Variants in STPG2 observed in about 807,000 individuals in gnomAD.
The protein encoded by STPG2 is sperm tail PG-rich repeat containing 2.
Under a neutral mutation model 54.2 loss-of-function variants are expected in STPG2, and 56 were observed. That is an observed-to-expected ratio of 1.03 (90% CI 0.83 to 1.29). The LOEUF is 1.29. Ranked by LOEUF, STPG2 falls within the 50% of genes most tolerant of loss-of-function variation. The pLI is 0.00. For synonymous variants in STPG2, 200 were observed against 181.8 expected, an observed-to-expected ratio of 1.10 and a Z score of -0.81; for missense variants, 596 against 544.9, an observed-to-expected ratio of 1.09 and a Z score of -0.93.
At chr4:97,908,342 A>T (rs1306790272) in intron 8 of STPG2, among the ~76,000 whole-genome samples, 5 of 151,674 alleles carry the variant, frequency 3.3e-5, no homozygotes, top group Non-Finnish European at 7.4e-5. Flanking sequence ...TTAGAATGGC[A>T]ATCATTAAAA....
intron 5 of STPG2, among the ~76,000 whole-genome samples, chr4:98,010,805 C>T (rs544005045): frequency 1.8e-4 from 27 of 151,896 alleles, no homozygotes; most frequent in Non-Finnish European, 3.2e-4. Flanking sequence ...CATCTGTTTA[C>T]CTTTGTAGTT....
In STPG2 at chr4:98,143,073, G is replaced by C. The variant is rs764087618; in HGVS notation, c.78C>G (p.Tyr26Ter). 2 of 1,613,606 alleles carry C rather than the reference G, an allele frequency of 1.2e-6. No homozygotes were observed. Among genetic ancestry groups the C allele is most frequent in the South Asian group, 1.1e-5 (1 of 90,930 alleles). The change falls in exon 1 of 11, where the codon TAC becomes TAG. Residue 26 changes from tyrosine to a stop codon, truncating the protein, a stop_gained. Coordinates refer to ENST00000295268, the MANE Select transcript of STPG2 (RefSeq NM_174952.3). LOFTEE classifies it high-confidence loss of function. ...CCTGCTGCTTCAGGAAAGGTACCTG[G>C]TAGGATCCAGGACCCACATGGGCCT... ...STEAHVGPGS[Y>*]QVPFLKQQAT...
At chr4:97,457,205 G>A (rs780949120) in intron 4 of STPG2, among the ~76,000 whole-genome samples, 2 of 152,108 alleles carry the variant, frequency 1.3e-5, no homozygotes, top group Non-Finnish European at 2.9e-5. Flanking sequence ...GTATTTTAAC[G>A]AAACTAAACA....
At chr4:97,801,294 G>A (rs1251518765) in intron 9 of STPG2, among the ~76,000 whole-genome samples, 2 of 152,138 alleles carry the variant, frequency 1.3e-5, no homozygotes, top group Non-Finnish European at 2.9e-5. Context: ...GCTGTAGACT[G>A]GAGCTGTTCC....
chr4:97,940,938 ATT>A (rs960654937), intron 8 of STPG2, among the ~76,000 whole-genome samples: 29 of 152,070 alleles, frequency 1.9e-4, no homozygotes, highest in African/African-American at 6.8e-4. Context: ...TTATGTCACC[ATT>A]CTTTTGTTTC....
intron 10 of STPG2, among the ~76,000 whole-genome samples, chr4:97,655,751 TA>T (rs369260076): frequency 2.4e-4 from 37 of 152,282 alleles, no homozygotes; most frequent in African/African-American, 8.4e-4. Flanking sequence ...TATTACAAGC[TA>T]GTTTTTCTTA....
At chr4:97,692,407 G>A (rs11935834) in intron 10 of STPG2, among the ~76,000 whole-genome samples, 3,250 of 150,768 alleles carry the variant, frequency 0.022, 72 homozygotes, top group African/African-American at 0.06. Flanking sequence ...GCACTGGAAA[G>A]TCTCAGCAAT....
chr4:97,778,179 A>G (rs1183038065), intron 9 of STPG2, among the ~76,000 whole-genome samples: 3 of 152,162 alleles, frequency 2.0e-5, no homozygotes, highest in African/African-American at 7.2e-5. Flanking sequence ...GGAAGGGGTG[A>G]CAGACAGCAC....
intron 10 of STPG2, among the ~76,000 whole-genome samples, chr4:97,563,513 TC>T (rs1732322905): frequency 6.6e-6 from 1 of 152,206 alleles, no homozygotes; most frequent in African/African-American, 2.4e-5. Flanking sequence ...CTTTTCTAGT[TC>T]TTTTAATTGT....
intron 8 of STPG2, among the ~76,000 whole-genome samples, chr4:97,898,830 T>C (rs1345230807): frequency 1.3e-5 from 2 of 151,764 alleles, no homozygotes; most frequent in East Asian, 3.8e-4. Flanking sequence ...GTATCTTTTA[T>C]AATTAAATTA....
chr4:98,113,670 A>G (rs1445396484), intron 3 of STPG2, among the ~76,000 whole-genome samples: 1 of 151,966 alleles, frequency 6.6e-6, no homozygotes, highest in Non-Finnish European at 1.5e-5. Context: ...GTAATATATT[A>G]TTATTCTTAA....
intron 10 of STPG2, among the ~76,000 whole-genome samples, chr4:97,699,374 C>T (rs373944018): frequency 2.6e-5 from 4 of 152,196 alleles, no homozygotes; most frequent in Admixed American, 6.5e-5. Context: ...GCTCCTCTGT[C>T]GAGGTCACCC....
intron 10 of STPG2, among the ~76,000 whole-genome samples, chr4:97,561,499 G>A (rs192840711): frequency 0.011 from 1,653 of 152,220 alleles, 48 homozygotes; most frequent in Admixed American, 0.015. Flanking sequence ...TGCTTTTGGT[G>A]TTTTAGACAT....
At chr4:97,969,634 A>G in intron 7 of STPG2, among the ~76,000 whole-genome samples, 1 of 152,176 alleles carries the variant, frequency 6.6e-6, no homozygotes, top group East Asian at 1.9e-4. Context: ...AAAACTCTCA[A>G]TAAACTAGGT....
chr4:98,121,328 C>T (rs1319103922), intron 3 of STPG2, among the ~76,000 whole-genome samples: 1 of 152,030 alleles, frequency 6.6e-6, no homozygotes, highest in Non-Finnish European at 1.5e-5. Context: ...TAGTGTGATG[C>T]CTCTAGTTTT....
At position 97,981,329 on chromosome 4, in the gene STPG2, A is replaced by G; in HGVS notation, c.613-11T>C. On this transcript the variant is annotated splice_polypyrimidine_tract_variant and intron_variant, in intron 5 of 10. Coordinates refer to ENST00000295268, the MANE Select transcript of STPG2 (RefSeq NM_174952.3). The stretch of plus-strand genomic sequence containing the variant: ...CATAGGTAAAAATCTCTAGTGAAGA[A>G]CAGGAAAATATGCCAATAAGAAAGT... 6.2e-7 allele frequency: 1 copy of G among 1,613,070 alleles called. No homozygotes were observed. The highest frequency in any genetic ancestry group is 8.5e-7 in the Non-Finnish European group (1 of 1,179,638).
chr4:97,626,957 C>T (rs1039883654), intron 10 of STPG2, among the ~76,000 whole-genome samples: 8 of 151,892 alleles, frequency 5.3e-5, no homozygotes, highest in African/African-American at 1.7e-4. Context: ...TCTATGTTGT[C>T]GACATCATCT....
At chr4:97,999,296 T>C (rs1735337518) in intron 5 of STPG2, among the ~76,000 whole-genome samples, 1 of 152,250 alleles carries the variant, frequency 6.6e-6, no homozygotes, top group African/African-American at 2.4e-5. Context: ...AGTATTGGTT[T>C]CTAGCACAAT....
At chr4:97,659,633 A>G (rs1004480079) in intron 10 of STPG2, among the ~76,000 whole-genome samples, 8 of 152,344 alleles carry the variant, frequency 5.3e-5, no homozygotes, top group Middle Eastern at 3.4e-3. Context: ...GAGAAAAAGC[A>G]AAGTGCTTTG....
Sources: gnomAD v4.1 joint callset for allele counts (sites outside exome capture counted in the v4.1 genomes callset) on GRCh38, gnomAD v4.1.1 for gene constraint, MANE v1.5 for transcripts, NCBI Gene and HGNC (gene_info 2026-07-23, HGNC 2026-07-21) for gene names.